The following ZNF638 variants were observed in gnomAD, a reference collection of about 807,000 sequenced individuals.
The protein encoded by ZNF638 is zinc finger protein 638.
ZNF638 carries 46 observed loss-of-function variants against 195.6 expected under a neutral mutation model. The ratio of observed to expected loss-of-function variants is 0.24; its 90% CI spans 0.19 to 0.30. The LOEUF is 0.30. Among genes scored for constraint, ZNF638 ranks in the 10% least tolerant of loss-of-function variants. The pLI is 1.00. For synonymous variants in ZNF638, 845 were observed against 772.0 expected (o/e 1.09, Z -1.57); for missense variants, 2,440 against 2,325.3 (o/e 1.05, Z -1.01).
rs140593624 is a variant in ZNF638 at position 71,401,202 on chromosome 2, TC to T, written c.2697+689del. On this transcript the variant is annotated intron_variant, in intron 15 of 27. Coordinates refer to ENST00000264447, the MANE Select transcript of ZNF638 (RefSeq NM_014497.5). ...AAGATTGTAACTTCCTGCCTTTTTT[TC>T]CCCCTAGATATCAAAAATTGCCAAG... Among the ~76,000 whole-genome samples the T allele has an allele frequency of 3.9e-3, 588 of 152,132 alleles. 1 individual carries two copies. The highest frequency in any genetic ancestry group is 0.014 in the African/African-American group (563 of 41,476).
rs775213488 is a variant in ZNF638 at position 71,434,857 on chromosome 2, T to TG, written c.*50_*51insG. The TG allele has an allele frequency of 3.5e-6, 5 of 1,445,196 alleles. No individual in the cohort carries two copies. In the African/African-American group the frequency reaches 5.8e-5, roughly 17 times the overall value. The allele number at this position is 1,445,196 out of a possible 1,614,324, so 89.5% of individuals were successfully genotyped here. On this transcript the variant is annotated 3_prime_UTR_variant, in exon 28 of 28. Transcript: ENST00000264447. Reference sequence around the variant, plus strand: ...AGAAATTTGTTTAGGGTCCAGTTGATTTGTGTATTTTTGTTATCATTTAAT... The same window carrying TG: ...AGAAATTTGTTTAGGGTCCAGTTGATGTTGTGTATTTTTGTTATCATTTAAT...
intron 10 of ZNF638, among the ~76,000 whole-genome samples, chr2:71,392,782 A>G (rs551505777): frequency 2.6e-4 from 40 of 152,284 alleles, no homozygotes; most frequent in Admixed American, 4.6e-4. Flanking sequence ...GCCAGCTCAC[A>G]GGCACATCTC....
intron 8 of ZNF638, among the ~76,000 whole-genome samples, chr2:71,371,946 G>A (rs2079321481): frequency 6.6e-6 from 1 of 152,140 alleles, no homozygotes; most frequent in Non-Finnish European, 1.5e-5. Context: ...GCATTTGCCT[G>A]TGTTTGTGGG....
At chr2:71,430,031 T>C (rs2080624993) in intron 25 of ZNF638, among the ~76,000 whole-genome samples, 1 of 152,200 alleles carries the variant, frequency 6.6e-6, no homozygotes, top group African/African-American at 2.4e-5. Context: ...TCAGCTTGCT[T>C]AGAACTGCCT....
rs555677191 is a variant in ZNF638 at position 71,381,393 on chromosome 2, GAGTATTGA to G, written c.2377+839_2377+846del. On this transcript the variant is annotated intron_variant, in intron 10 of 27. Coordinates refer to ENST00000264447, the MANE Select transcript of ZNF638 (RefSeq NM_014497.5). ...TTTCCCCGTAATGTTTAGTTGTATA[GAGTATTGA>G]AGTATTGAAGGTTAGCAGAGATACT... Among the ~76,000 whole-genome samples the G allele has an allele frequency of 4.6e-5, 7 of 152,202 alleles. No homozygotes were observed. The South Asian group carries it at 6.2e-4, about 14-fold the overall frequency.
chr2:71,348,842 T>G lies in ZNF638; in HGVS notation c.-113T>G, dbSNP rs1214837379. ...CCACTTCTGTTGGGCCCATCTCCTTTGCACTTTGCTCAGATTAAGACTCAG... is the reference window on the plus strand; with the variant it reads ...CCACTTCTGTTGGGCCCATCTCCTTGGCACTTTGCTCAGATTAAGACTCAG... On this transcript the variant is annotated 5_prime_UTR_variant, in exon 2 of 28. Transcript: ENST00000264447. 1 of 1,608,620 alleles carries G rather than the reference T, an allele frequency of 6.2e-7. No individual in the cohort carries two copies.
rs968699971 is a variant in ZNF638 at position 71,368,536 on chromosome 2, A to C, written c.2142+8A>C. The C allele has an allele frequency of 1.2e-6, 2 of 1,609,274 alleles. No homozygotes were observed. Among genetic ancestry groups the C allele is most frequent in the African/African-American group, 2.7e-5 (2 of 74,642 alleles). ...GTTCCATATAGAAAAGAGGTGAGTC[A>C]TTTAGTCTGTGGCAAAAATTCATAC... On this transcript the variant is annotated splice_region_variant and intron_variant, in intron 7 of 27. Transcript: ENST00000264447.
intron 1 of ZNF638, among the ~76,000 whole-genome samples, chr2:71,341,208 C>G (rs1286301311): frequency 6.6e-6 from 1 of 152,130 alleles, no homozygotes; most frequent in Non-Finnish European, 1.5e-5. Flanking sequence ...CCAGTTTCTA[C>G]TATGTTTCTG....
intron 1 of ZNF638, among the ~76,000 whole-genome samples, chr2:71,340,883 C>G (rs1480680445): frequency 2.0e-5 from 3 of 152,024 alleles, no homozygotes; most frequent in Non-Finnish European, 4.4e-5. Context: ...GAAGCTCAGA[C>G]GAGATAATAT....
chr2:71,363,229 T>C (rs767636048), intron 4 of ZNF638, 38 bp downstream of exon 4: 1 of 1,432,946 alleles, frequency 7.0e-7, no homozygotes, highest in East Asian at 2.4e-5. Flanking sequence ...AAAACCTGAT[T>C]GTCTTTTAAA....
intron 1 of ZNF638, chr2:71,332,748 C>G (rs545879499): frequency 2.6e-5 from 4 of 152,136 alleles, no homozygotes; most frequent in Non-Finnish European, 4.4e-5. Flanking sequence ...AGGGATACTT[C>G]AGTATTACAA....
At chr2:71,335,722 C>G (rs1453420124) in intron 1 of ZNF638, among the ~76,000 whole-genome samples, 1 of 152,126 alleles carries the variant, frequency 6.6e-6, no homozygotes, top group Non-Finnish European at 1.5e-5. Flanking sequence ...ATATATAGTT[C>G]AGAATTTTCT....
chr2:71,411,144 C>T (rs114404992), intron 20 of ZNF638, among the ~76,000 whole-genome samples: 2,986 of 151,310 alleles, frequency 0.02, 102 homozygotes, highest in African/African-American at 0.067. Context: ...ACTACAGGCA[C>T]GCCCTACCAT....
chr2:71,424,160 C>T, intron 22 of ZNF638, 122 bp downstream of exon 22: 1 of 1,302,572 alleles, frequency 7.7e-7, no homozygotes, highest in Non-Finnish European at 1.0e-6. Flanking sequence ...ACCCCGGAAG[C>T]TCCCATTTCC....
At chr2:71,369,829 C>A in intron 7 of ZNF638, 54 bp from the exon 8 acceptor site, 10 of 1,510,842 alleles carry the variant, frequency 6.6e-6, no homozygotes, top group Non-Finnish European at 8.9e-6. Context: ...TTTTAAAATG[C>A]AGGAACTTTT....
chr2:71,424,743 C>T, intron 23 of ZNF638, 28 bp downstream of exon 23: 2 of 1,567,368 alleles, frequency 1.3e-6, no homozygotes, highest in South Asian at 1.1e-5. Context: ...GACCCTAACC[C>T]TTCTTTTTCA....
chr2:71,379,499 G>A (rs546911901), intron 8 of ZNF638: 4 of 152,262 alleles, frequency 2.6e-5, no homozygotes, highest in African/African-American at 9.6e-5. Context: ...CTGTATTGCA[G>A]TGCTTGTGTT....
At chr2:71,420,970 T>A (rs1038697457) in intron 21 of ZNF638, among the ~76,000 whole-genome samples, 8 of 152,288 alleles carry the variant, frequency 5.3e-5, no homozygotes, top group Middle Eastern at 3.4e-3. Flanking sequence ...TGCATAATGG[T>A]TCAGTTTGTA....
intron 24 of ZNF638, among the ~76,000 whole-genome samples, 177 bp downstream of exon 24, chr2:71,427,591 T>C (rs2080565377): frequency 6.6e-6 from 1 of 152,180 alleles, no homozygotes; most frequent in African/African-American, 2.4e-5. Context: ...TTTCACAGTT[T>C]TTTAAAGTTT....
Sources: gnomAD v4.1 joint callset for allele counts (sites outside exome capture counted in the v4.1 genomes callset) on GRCh38, gnomAD v4.1.1 for gene constraint, MANE v1.5 for transcripts, NCBI Gene and HGNC (gene_info 2026-07-23, HGNC 2026-07-21) for gene names.